Variants in CDC42BPB observed in about 807,000 individuals in gnomAD.
CDC42BPB encodes the protein CDC42 binding protein kinase beta.
In CDC42BPB, 37 loss-of-function variants were observed where a neutral mutation model predicts 214.9. The ratio of observed to expected loss-of-function variants is 0.17; its 90% CI spans 0.13 to 0.23. CDC42BPB has a LOEUF of 0.23. Among genes scored for constraint, CDC42BPB ranks in the 10% least tolerant of loss-of-function variants. The probability of loss-of-function intolerance (pLI) is 1.00; values close to 1 mark genes in which losing one functional copy is unlikely to be tolerated. For synonymous variants in CDC42BPB, 931 were observed against 884.0 expected (o/e 1.05, Z -0.94); for missense variants, 1,694 against 2,227.0 (o/e 0.76, Z 4.82).
chr14:103,029,108 T>C (rs551835512), intron 1 of CDC42BPB, among the ~76,000 whole-genome samples: 5 of 152,210 alleles, frequency 3.3e-5, no homozygotes, highest in African/African-American at 1.2e-4. Flanking sequence ...TATGGGAAAT[T>C]TTCTCTTATC....
chr14:103,025,951 T>C (rs892039811), intron 1 of CDC42BPB, among the ~76,000 whole-genome samples: 1 of 151,890 alleles, frequency 6.6e-6, no homozygotes, highest in African/African-American at 2.4e-5. Context: ...CCCAAGATCA[T>C]GCAATGGGGG....
At chr14:103,048,428 C>T (rs1888413860) in intron 1 of CDC42BPB, among the ~76,000 whole-genome samples, 1 of 150,362 alleles carries the variant, frequency 6.7e-6, no homozygotes, top group East Asian at 2.0e-4. Flanking sequence ...GTAGCTCACG[C>T]CTATAATCCC....
intron 8 of CDC42BPB, among the ~76,000 whole-genome samples, chr14:102,979,540 G>A (rs1595489063): frequency 6.6e-6 from 1 of 152,190 alleles, no homozygotes; most frequent in African/African-American, 2.4e-5. Flanking sequence ...GACCCTACAA[G>A]GGGTACTTCA....
At chr14:103,019,307 G>A (rs529193030) in intron 1 of CDC42BPB, among the ~76,000 whole-genome samples, 33 of 152,324 alleles carry the variant, frequency 2.2e-4, no homozygotes, top group African/African-American at 7.7e-4. Context: ...TAACCAGCCA[G>A]CACTCACAAG....
intron 5 of CDC42BPB, among the ~76,000 whole-genome samples, chr14:102,996,704 C>T (rs1002583493): frequency 6.7e-6 from 1 of 149,278 alleles, no homozygotes; most frequent in Non-Finnish European, 1.5e-5. Context: ...CCTAGCTACT[C>T]GGGAGGCTGA....
At chr14:103,030,992 A>G (rs1204726391) in intron 1 of CDC42BPB, among the ~76,000 whole-genome samples, 3 of 152,086 alleles carry the variant, frequency 2.0e-5, no homozygotes, top group Admixed American at 6.6e-5. Flanking sequence ...GTCTCTACAC[A>G]CACACAAAAG....
intron 1 of CDC42BPB, among the ~76,000 whole-genome samples, chr14:103,053,242 G>C (rs1310587114): frequency 6.6e-6 from 1 of 152,014 alleles, no homozygotes; most frequent in Non-Finnish European, 1.5e-5. Context: ...CAGCTACTCG[G>C]GAGACTGAGG....
At chr14:103,028,001 G>A (rs1341716763) in intron 1 of CDC42BPB, among the ~76,000 whole-genome samples, 6 of 152,142 alleles carry the variant, frequency 3.9e-5, no homozygotes, top group African/African-American at 7.2e-5. Context: ...GTGGTGGTGC[G>A]CACCTGTAGT....
intron 34 of CDC42BPB, 180 bp from the exon 35 acceptor site, chr14:102,938,591 C>A: frequency 1.0e-6 from 1 of 978,910 alleles, no homozygotes; most frequent in Middle Eastern, 5.2e-4. Context: ...CTGGCAATAG[C>A]AACTTCAGGG....
chr14:102,972,103 T>A lies in CDC42BPB; in HGVS notation c.1700A>T (p.His567Leu). The change falls in exon 13 of 37, where the codon CAT becomes CTT. Residue 567 changes from histidine to leucine, a missense_variant. Around this residue, in one of 7 missense-constraint regions of CDC42BPB, gnomAD observed 462 missense variants for 513.5 expected, o/e 0.90. Transcript: ENST00000361246. ...CTGCAGGGCCAGCTTTCGCTGCTGATGGGCATCTTTGAGTTCCTTGGCCTG... is the reference window on the plus strand; with the variant it reads ...CTGCAGGGCCAGCTTTCGCTGCTGAAGGGCATCTTTGAGTTCCTTGGCCTG... ...KSQAKELKDAHQQRKLALQEF... is the reference protein window; with the variant it reads ...KSQAKELKDALQQRKLALQEF... 6.2e-7 allele frequency: 1 copy of A among 1,614,278 alleles called. No homozygotes were observed. The highest frequency in any genetic ancestry group is 2.2e-5 in the East Asian group (1 of 44,892).
intron 7 of CDC42BPB, among the ~76,000 whole-genome samples, chr14:102,983,186 C>A (rs1894081443): frequency 6.6e-6 from 1 of 152,188 alleles, no homozygotes; most frequent in Admixed American, 6.5e-5. Context: ...GACCTCCCCA[C>A]TGGCTACCCC....
At position 103,004,854 on chromosome 14, in the gene CDC42BPB, G is replaced by A. The variant is rs1895160772; in HGVS notation, c.352-831C>T. Among the ~76,000 whole-genome samples the A allele has an allele frequency of 6.6e-6, 1 of 151,698 alleles. No homozygotes were observed. Among genetic ancestry groups the A allele is most frequent in the Non-Finnish European group, 1.5e-5 (1 of 67,960 alleles). ...ACCGTACTCCAGCCTGGACGACAGA[G>A]CCAGACTCCATCTCAAAAAGAAAAA... On this transcript the variant is annotated intron_variant, in intron 3 of 36. Coordinates refer to ENST00000361246, the MANE Select transcript of CDC42BPB (RefSeq NM_006035.4). The surrounding 1 kb of genome is among the most constrained non-coding windows in gnomAD (Gnocchi z 5.3).
At chr14:102,953,950 C>T (rs1783954188) in intron 23 of CDC42BPB, among the ~76,000 whole-genome samples, 2 of 152,166 alleles carry the variant, frequency 1.3e-5, no homozygotes, top group South Asian at 4.1e-4. Flanking sequence ...AGACTGAATG[C>T]TGAACTTTTC....
At chr14:102,964,917 C>A (rs1017124799) in intron 18 of CDC42BPB, 2 of 357,388 alleles carry the variant, frequency 5.6e-6, no homozygotes, top group Non-Finnish European at 7.8e-6. Flanking sequence ...AATTTCTTTT[C>A]TTTTCTTTTC....
At chr14:103,000,167 A>G (rs1894913384) in intron 4 of CDC42BPB, among the ~76,000 whole-genome samples, 1 of 152,242 alleles carries the variant, frequency 6.6e-6, no homozygotes, top group Non-Finnish European at 1.5e-5. Flanking sequence ...TGGAAAGATT[A>G]TATCATAAAA....
intron 1 of CDC42BPB, chr14:103,041,674 C>T (rs1031181275): frequency 3.2e-5 from 18 of 557,294 alleles, no homozygotes; most frequent in South Asian, 2.2e-4. Context: ...CACCAAGGTG[C>T]GCACCGGCCG....
Position 102,962,759 on chromosome 14 carries a change from G to A in CDC42BPB, c.2821+302C>T, listed in dbSNP as rs36042291. 6.7e-3 allele frequency among the ~76,000 whole-genome samples: 1,026 copies of A among 152,224 alleles called. 6 individuals carry two copies. Among genetic ancestry groups the A allele is most frequent in the Non-Finnish European group, 0.012 (830 of 68,010 alleles). ...TCCCAGCTACTTGCGAGGCTGAGGCGGGAGAATCCTTGAACCCAGGATGCA... is the reference window on the plus strand; with the variant it reads ...TCCCAGCTACTTGCGAGGCTGAGGCAGGAGAATCCTTGAACCCAGGATGCA... On this transcript the variant is annotated intron_variant, in intron 20 of 36. Transcript: ENST00000361246.
chr14:103,056,353 G>A (rs1229859930), intron 1 of CDC42BPB, among the ~76,000 whole-genome samples: 1 of 152,142 alleles, frequency 6.6e-6, no homozygotes, highest in East Asian at 1.9e-4. Context: ...AGCAAAGTAG[G>A]TATTCAGGCT....
intron 9 of CDC42BPB, among the ~76,000 whole-genome samples, chr14:102,976,647 A>G (rs34808820): frequency 6.6e-6 from 1 of 152,358 alleles, no homozygotes; most frequent in East Asian, 1.9e-4. Context: ...AGTTCTGCTT[A>G]GCTCTTTATG....
Sources: allele counts gnomAD v4.1 joint callset (sites outside exome capture counted in the v4.1 genomes callset), GRCh38; gene constraint gnomAD v4.1.1; regional missense constraint gnomAD v4.1.1; non-coding constraint Gnocchi (gnomAD v3.1); transcripts MANE v1.5; gene names NCBI Gene and HGNC (gene_info 2026-07-23, HGNC 2026-07-21).